Variants in FANCB observed in about 807,000 individuals in gnomAD.
FANCB encodes the protein FA complementation group B.
A neutral mutation model predicts 38.9 loss-of-function variants in FANCB; 5 were observed. The observed-to-expected ratio is 0.13, with a 90% CI of 0.07 to 0.27. The LOEUF (loss-of-function observed/expected upper bound fraction) is 0.27, where lower values mean the gene tolerates loss of function less well. FANCB is among the 10% of genes least tolerant of loss of function. FANCB has a pLI of 1.00. For missense variants in FANCB, 573 were observed against 602.7 expected, an observed-to-expected ratio of 0.95 and a Z score of 0.52; for synonymous variants, 236 against 215.4, an observed-to-expected ratio of 1.10 and a Z score of -0.84.
the FANCB span, among the ~76,000 whole-genome samples, chrX:14,741,346 G>A: frequency 3.2e-4 from 36 of 111,582 alleles, no homozygotes; most frequent in South Asian, 0.014. Context: ...TATCTGGATT[G>A]AGTCACTGTA....
chrX:14,754,798 G>A, the FANCB span, among the ~76,000 whole-genome samples: 7 of 108,512 alleles, frequency 6.5e-5, no homozygotes, highest in African/African-American at 1.7e-4. Flanking sequence ...TTCAAACGAC[G>A]CAAAAAAAAA....
At chrX:14,867,801 T>C (rs1204280368) in intron 2 of FANCB, among the ~76,000 whole-genome samples, 2 of 107,640 alleles carry the variant, frequency 1.9e-5, no homozygotes, top group Non-Finnish European at 3.9e-5. Context: ...CTACAAAATG[T>C]AAGAAAACAT....
the FANCB span, among the ~76,000 whole-genome samples, chrX:14,817,047 G>T: frequency 3.6e-5 from 4 of 111,667 alleles, no homozygotes; most frequent in African/African-American, 1.3e-4. Flanking sequence ...GTCTATTTCT[G>T]AACTTTCCGT....
the FANCB span, chrX:14,731,631 C>T: frequency 9.0e-6 from 1 of 111,040 alleles, no homozygotes; most frequent in Non-Finnish European, 1.9e-5. Flanking sequence ...CTTTTTGGTA[C>T]CAGAGCTACG....
the FANCB span, among the ~76,000 whole-genome samples, chrX:14,816,244 G>T: frequency 9.0e-6 from 1 of 111,426 alleles, no homozygotes; most frequent in African/African-American, 3.3e-5. Context: ...CAGAAATCTT[G>T]GCAAATATTA....
the FANCB span, among the ~76,000 whole-genome samples, chrX:14,783,131 A>G: frequency 8.9e-6 from 1 of 112,176 alleles, no homozygotes; most frequent in African/African-American, 3.2e-5. Flanking sequence ...ACAGATTAAA[A>G]TCAAAGATTT....
At chrX:14,810,599 G>C in the FANCB span, among the ~76,000 whole-genome samples, 1 of 111,450 alleles carries the variant, frequency 9.0e-6, no homozygotes, top group South Asian at 3.8e-4. Flanking sequence ...AATGAAGCGA[G>C]AAGGGAAGTT....
At chrX:14,838,234 T>C (rs1228722323) in intron 10 of FANCB, among the ~76,000 whole-genome samples, 2 of 111,795 alleles carry the variant, frequency 1.8e-5, no homozygotes, top group Admixed American at 1.9e-4. Context: ...CCATAGAAAA[T>C]TGGTATGCAA....
chrX:14,852,349 A>G (rs375151785), intron 6 of FANCB, among the ~76,000 whole-genome samples: 2 of 109,722 alleles, frequency 1.8e-5, no homozygotes, highest in East Asian at 2.9e-4. Flanking sequence ...TTGTATTTTT[A>G]GTAGAGACAG....
the FANCB span, among the ~76,000 whole-genome samples, chrX:14,783,133 C>G: frequency 8.9e-6 from 1 of 111,910 alleles, no homozygotes. Flanking sequence ...AGATTAAAAT[C>G]AAAGATTTTC....
At chrX:14,690,561 A>C in the FANCB span, 8 of 441,610 alleles carry the variant, frequency 1.8e-5, no homozygotes, top group African/African-American at 1.7e-4. Flanking sequence ...GCACTTTCTT[A>C]AGAAAACGCT....
At chrX:14,778,754 G>A in the FANCB span, among the ~76,000 whole-genome samples, 2 of 112,530 alleles carry the variant, frequency 1.8e-5, no homozygotes, top group African/African-American at 6.5e-5. Context: ...CAGCTAGGTA[G>A]TGAGACAGAG....
the FANCB span, among the ~76,000 whole-genome samples, chrX:14,756,100 C>T: frequency 8.9e-6 from 1 of 112,020 alleles, no homozygotes; most frequent in Non-Finnish European, 1.9e-5. Context: ...CAATAAATGG[C>T]ACTGGGAAAA....
At chrX:14,852,917 T>C (rs1438915990) in intron 6 of FANCB, 122 bp downstream of exon 6, 1 of 590,333 alleles carries the variant, frequency 1.7e-6, no homozygotes, top group Non-Finnish European at 2.6e-6. Flanking sequence ...CTGCTACTTT[T>C]CTTCTTGATC....
chrX:14,754,723 G>A, the FANCB span, among the ~76,000 whole-genome samples: 1 of 109,851 alleles, frequency 9.1e-6, no homozygotes, highest in Non-Finnish European at 1.9e-5. Flanking sequence ...TAAGGTTCAG[G>A]GGTACACATG....
the FANCB span, among the ~76,000 whole-genome samples, chrX:14,779,748 G>A: frequency 9.2e-6 from 1 of 109,092 alleles, no homozygotes; most frequent in African/African-American, 3.6e-5. Flanking sequence ...AAGGAAGTGA[G>A]GACTAGATGA....
the FANCB span, among the ~76,000 whole-genome samples, chrX:14,762,084 TG>T: frequency 9.0e-6 from 1 of 111,354 alleles, no homozygotes; most frequent in African/African-American, 3.3e-5. Context: ...GTAGGTTCAC[TG>T]TCTGCTAAGG....
the FANCB span, among the ~76,000 whole-genome samples, chrX:14,696,184 GTGGGAGGGAGGGAGAA>G: frequency 9.9e-6 from 1 of 101,459 alleles, no homozygotes; most frequent in African/African-American, 3.6e-5. Context: ...GGGAGGGAGA[GTGGGAGGGAGGGAGAA>G]TGGGATGGAG....
the FANCB span, among the ~76,000 whole-genome samples, chrX:14,701,567 T>C: frequency 7.3e-5 from 8 of 110,125 alleles, no homozygotes; most frequent in Non-Finnish European, 1.5e-4. Flanking sequence ...AATCACGTGA[T>C]GGTCCAAGCA....
Sources: gnomAD v4.1 joint callset for allele counts (sites outside exome capture counted in the v4.1 genomes callset) on GRCh38, gnomAD v4.1.1 for gene constraint, MANE v1.5 for transcripts, NCBI Gene and HGNC (gene_info 2026-07-23, HGNC 2026-07-21) for gene names.